Variants in CNNM2 observed in about 807,000 individuals in gnomAD.
CNNM2 encodes metal transporter CNNM2.
In CNNM2, 12 loss-of-function variants were observed where a neutral mutation model predicts 66.9. That is an observed-to-expected ratio of 0.18 (90% CI 0.11 to 0.29). CNNM2 has a LOEUF of 0.29. CNNM2 is among the 10% of genes least tolerant of loss of function. CNNM2 has a pLI of 1.00. For missense variants in CNNM2, 705 were observed against 1,167.7 expected (o/e 0.60, Z 5.77); for synonymous variants, 557 against 501.8 (o/e 1.11, Z -1.47).
chr10:102,932,790 G>C (rs1020207370), intron 1 of CNNM2, among the ~76,000 whole-genome samples: 1 of 151,812 alleles, frequency 6.6e-6, no homozygotes, highest in African/African-American at 2.4e-5. Context: ...GGTGGTGCAT[G>C]CCTGTAGTCC....
At chr10:103,024,488 A>AT (rs1241352932) in intron 1 of CNNM2, among the ~76,000 whole-genome samples, 1 of 151,506 alleles carries the variant, frequency 6.6e-6, no homozygotes, top group Non-Finnish European at 1.5e-5. Flanking sequence ...TTTTATTTTT[A>AT]TTTTTTTTGA....
intron 1 of CNNM2, among the ~76,000 whole-genome samples, chr10:102,959,720 G>A (rs1015302027): frequency 6.6e-6 from 1 of 152,150 alleles, no homozygotes; most frequent in Non-Finnish European, 1.5e-5. Context: ...AGGATTACAG[G>A]CATGCGCCAC....
In CNNM2 at chr10:102,919,082, G is replaced by T; in HGVS notation, c.602G>T (p.Gly201Val). ...ACGTCGCTCTCCACGCCCGCCCTGG[G>T]CGCCGGCGGCTCGGGGTCCACGGGT... ...LCTSLSTPALGAGGSGSTGGA... is the reference protein window; with the variant it reads ...LCTSLSTPALVAGGSGSTGGA... Residue 201 changes from glycine to valine, a missense_variant, in exon 1 of 8, where the codon GGC becomes GTC. Gly to Val is a moderately radical substitution (Grantham distance 109, BLOSUM62 -3). Around this residue, in one of 9 missense-constraint regions of CNNM2, gnomAD observed 100 missense variants for 151.9 expected, o/e 0.66. Coordinates refer to ENST00000369878, the MANE Select transcript of CNNM2 (RefSeq NM_017649.5). The T allele has an allele frequency of 6.2e-7, 1 of 1,612,002 alleles. No individual in the cohort carries two copies.
At chr10:103,038,742 C>T (rs960397500) in intron 1 of CNNM2, among the ~76,000 whole-genome samples, 4 of 152,090 alleles carry the variant, frequency 2.6e-5, no homozygotes, top group African/African-American at 9.7e-5. Context: ...AGGTCTGGGC[C>T]GGCCACTTAT....
At chr10:102,953,175 G>C (rs1468062055) in intron 1 of CNNM2, among the ~76,000 whole-genome samples, 5 of 152,240 alleles carry the variant, frequency 3.3e-5, no homozygotes, top group Non-Finnish European at 7.4e-5. Context: ...CAAAAGTGCT[G>C]GTTTCAGTTT....
At chr10:102,922,698 T>A (rs914072650) in intron 1 of CNNM2, among the ~76,000 whole-genome samples, 3 of 152,180 alleles carry the variant, frequency 2.0e-5, no homozygotes, top group Non-Finnish European at 4.4e-5. Context: ...CCCAGCACTT[T>A]GGGAGGCCAA....
chr10:103,059,681 C>T (rs990642997), intron 4 of CNNM2, among the ~76,000 whole-genome samples: 6 of 151,718 alleles, frequency 4.0e-5, no homozygotes, highest in Non-Finnish European at 7.4e-5. Context: ...TAACAAAATA[C>T]GTATGTAAGA....
chr10:102,934,314 G>A (rs1398516538), intron 1 of CNNM2, among the ~76,000 whole-genome samples: 12 of 137,940 alleles, frequency 8.7e-5, no homozygotes, highest in Non-Finnish European at 1.2e-4. Context: ...TTGCTCTGTC[G>A]CCCAGGCTGG....
chr10:103,006,974 C>T (rs959413936), intron 1 of CNNM2, among the ~76,000 whole-genome samples: 2 of 152,098 alleles, frequency 1.3e-5, no homozygotes, highest in African/African-American at 4.8e-5. Context: ...GTTCTATAAC[C>T]CAATAAATTT....
intron 1 of CNNM2, among the ~76,000 whole-genome samples, chr10:102,940,446 T>TCTCA (rs1201030942): frequency 1.3e-5 from 2 of 152,054 alleles, no homozygotes; most frequent in Non-Finnish European, 2.9e-5. Flanking sequence ...TGAGATGGAG[T>TCTCA]CTCACTCTGT....
intron 1 of CNNM2, among the ~76,000 whole-genome samples, chr10:102,991,693 G>A (rs1464420703): frequency 6.6e-6 from 1 of 152,120 alleles, no homozygotes; most frequent in Non-Finnish European, 1.5e-5. Flanking sequence ...TTCAAGGAAT[G>A]TTATATTATC....
intron 1 of CNNM2, among the ~76,000 whole-genome samples, chr10:102,997,737 T>C (rs1433376384): frequency 2.0e-5 from 3 of 152,150 alleles, no homozygotes; most frequent in Non-Finnish European, 4.4e-5. Context: ...AGAACAAAAA[T>C]CAATGTACAG....
At chr10:103,023,596 T>C (rs1194279313) in intron 1 of CNNM2, among the ~76,000 whole-genome samples, 1 of 152,088 alleles carries the variant, frequency 6.6e-6, no homozygotes, top group Non-Finnish European at 1.5e-5. Context: ...ACCAACTGAA[T>C]AGCACTAAGC....
Position 103,080,610 on chromosome 10 carries a change from C to G in CNNM2, c.*3430C>G, listed in dbSNP as rs1159764850. 6.6e-6 allele frequency: 1 copy of G among 152,156 alleles called. No individual in the cohort carries two copies. Among genetic ancestry groups the G allele is most frequent in the Admixed American group, 6.5e-5 (1 of 15,270 alleles). The allele number at this position is 152,156 out of a possible 1,614,324, so 9.4% of individuals were successfully genotyped here. A position where few individuals can be genotyped will look rare whatever the true frequency, so the allele number is the denominator to read the frequency against. ...CCCCAAGTGGGAGGGAGTGGGGCAT[C>G]TTACCATCTTCTAATGTGACTTCAA... On this transcript the variant is annotated 3_prime_UTR_variant, in exon 8 of 8. Coordinates refer to ENST00000369878, the MANE Select transcript of CNNM2 (RefSeq NM_017649.5).
chr10:102,984,186 G>A (rs1455485868), intron 1 of CNNM2, among the ~76,000 whole-genome samples: 1 of 152,154 alleles, frequency 6.6e-6, no homozygotes, highest in Non-Finnish European at 1.5e-5. Flanking sequence ...AGCCCAGAGA[G>A]GTTAAAAACT....
intron 1 of CNNM2, among the ~76,000 whole-genome samples, chr10:102,998,218 C>T (rs576851525): frequency 5.3e-5 from 8 of 152,260 alleles, no homozygotes; most frequent in South Asian, 2.1e-4. Flanking sequence ...GGGTGTTCAG[C>T]GAATGCATAC....
intron 1 of CNNM2, among the ~76,000 whole-genome samples, chr10:103,010,199 A>G (rs1365257901): frequency 6.6e-6 from 1 of 152,138 alleles, no homozygotes; most frequent in Admixed American, 6.6e-5. Context: ...GAAAATGTAC[A>G]TTGCAAAATA....
At position 103,089,288 on chromosome 10, in the gene CNNM2, G is replaced by T. The variant is rs1472975715; in HGVS notation, c.*12108G>T. 2 of 231,076 alleles carry T rather than the reference G, an allele frequency of 8.7e-6. No homozygotes were observed. Among genetic ancestry groups the T allele is most frequent in the Non-Finnish European group, 1.7e-5 (2 of 117,490 alleles). 14.3% of individuals were successfully genotyped at this position (231,076 alleles called of 1,614,324 possible). ...GGACCTTGGAGTAATAGCACAATTT[G>T]TAACATTACAGATCACCTCTTCCCA... On this transcript the variant is annotated 3_prime_UTR_variant, in exon 8 of 8. Transcript: ENST00000369878.
In CNNM2 at chr10:103,012,411, C is replaced by T. The variant is rs545443381; in HGVS notation, c.1622-37296C>T. Among the ~76,000 whole-genome samples, 369 of 152,146 alleles carry T rather than the reference C, an allele frequency of 2.4e-3. 2 individuals are homozygous for T. Among genetic ancestry groups the T allele is most frequent in the African/African-American group, 8.3e-3 (345 of 41,516 alleles). On this transcript the variant is annotated intron_variant, in intron 1 of 7. Coordinates refer to ENST00000369878, the MANE Select transcript of CNNM2 (RefSeq NM_017649.5). ...CTGTAATCCCAGCACTTTGGGAGGC[C>T]GAGGCCGGCAGACCACCTGAGGTCA...
Sources: gnomAD v4.1 joint callset for allele counts (sites outside exome capture counted in the v4.1 genomes callset) on GRCh38, gnomAD v4.1.1 for gene constraint, gnomAD v4.1.1 regional missense constraint, MANE v1.5 for transcripts, NCBI Gene and HGNC (gene_info 2026-07-23, HGNC 2026-07-21) for gene names.